The following CSRNP3 variants were observed in gnomAD, a reference collection of about 807,000 sequenced individuals.
CSRNP3 encodes the protein cysteine/serine-rich nuclear protein 3.
In CSRNP3, 12 loss-of-function variants were observed where a neutral mutation model predicts 48.0. That is an observed-to-expected ratio of 0.25 (90% CI 0.16 to 0.41). CSRNP3 has a LOEUF of 0.41. CSRNP3 is among the 10% of genes least tolerant of loss of function. The pLI is 1.00. For synonymous variants in CSRNP3, 263 were observed against 269.7 expected, an observed-to-expected ratio of 0.98 and a Z score of 0.24; for missense variants, 580 against 724.4, an observed-to-expected ratio of 0.80 and a Z score of 2.29.
intron 3 of CSRNP3, among the ~76,000 whole-genome samples, chr2:165,522,597 T>C (rs1684677276): frequency 6.6e-6 from 1 of 151,940 alleles, no homozygotes; most frequent in Non-Finnish European, 1.5e-5. Context: ...GGTGATTACA[T>C]TGAGACTGAG....
chr2:165,630,162 A>G (rs1315207215), intron 4 of CSRNP3, among the ~76,000 whole-genome samples: 1 of 152,190 alleles, frequency 6.6e-6, no homozygotes, highest in Non-Finnish European at 1.5e-5. Context: ...TTGAAGACGT[A>G]AAAAAGCTCC....
chr2:165,627,928 C>T (rs778030039), intron 4 of CSRNP3, among the ~76,000 whole-genome samples: 12 of 152,184 alleles, frequency 7.9e-5, no homozygotes, highest in Admixed American at 1.3e-4. Context: ...TCAGTAGACT[C>T]GTTTTCTCTC....
In CSRNP3 at chr2:165,652,453, C is replaced by G. The variant is rs187478980; in HGVS notation, c.149-5308C>G. Among the ~76,000 whole-genome samples the G allele has an allele frequency of 9.3e-5, 14 of 150,824 alleles. No homozygotes were observed. In the East Asian group the frequency reaches 2.8e-3, roughly 30 times the overall value. On this transcript the variant is annotated intron_variant, in intron 4 of 6. Transcript: ENST00000651982. ...GGCGGAGGTTGCAGTGAGTTGAGAT[C>G]GCACCACTGCACTCTAGCCTGGTAA...
chr2:165,485,263 G>T (rs377112115), intron 1 of CSRNP3, among the ~76,000 whole-genome samples: 3 of 152,038 alleles, frequency 2.0e-5, no homozygotes, highest in South Asian at 2.1e-4. Context: ...AGCTTCCAAG[G>T]CATAGAAGTA....
At chr2:165,495,371 A>T (rs553821882) in intron 2 of CSRNP3, among the ~76,000 whole-genome samples, 6 of 152,130 alleles carry the variant, frequency 3.9e-5, no homozygotes, top group Non-Finnish European at 5.9e-5. Flanking sequence ...CAAGGCCTTG[A>T]AAGCCTTGAG....
intron 1 of CSRNP3, among the ~76,000 whole-genome samples, chr2:165,480,623 C>G (rs898177722): frequency 6.6e-6 from 1 of 151,504 alleles, no homozygotes; most frequent in East Asian, 1.9e-4. Context: ...CCCAATGCAC[C>G]CTTAAAGAAA....
intron 5 of CSRNP3, among the ~76,000 whole-genome samples, chr2:165,660,994 C>A (rs184756429): frequency 6.6e-6 from 1 of 152,214 alleles, no homozygotes; most frequent in Admixed American, 6.5e-5. Flanking sequence ...CAATATGAAC[C>A]AGCTTTTTAA....
intron 3 of CSRNP3, among the ~76,000 whole-genome samples, chr2:165,572,854 T>C (rs1168294786): frequency 2.6e-5 from 4 of 152,206 alleles, no homozygotes; most frequent in African/African-American, 9.6e-5. Context: ...ATCCAATAAT[T>C]TTTAATCTCC....
chr2:165,605,637 G>A (rs966232189), intron 4 of CSRNP3, among the ~76,000 whole-genome samples: 6 of 152,104 alleles, frequency 3.9e-5, no homozygotes, highest in Non-Finnish European at 8.8e-5. Flanking sequence ...AGATGCATAT[G>A]ATTGCCACTG....
chr2:165,667,001 G>GGA lies in CSRNP3; in HGVS notation c.408+8981_408+8982insGA, dbSNP rs1343879710. Reference sequence around the variant, plus strand: ...AGAGAGAGGAAGAAAGAAAGAGAGAGAGAGGAAGGAAGGAAGGAAAGAGAG... The same window carrying GGA: ...AGAGAGAGGAAGAAAGAAAGAGAGAGGAAGAGGAAGGAAGGAAGGAAAGAGAG... On this transcript the variant is annotated intron_variant, in intron 5 of 6. Coordinates refer to ENST00000651982, the MANE Select transcript of CSRNP3 (RefSeq NM_001172173.2). Among the ~76,000 whole-genome samples the GGA allele has an allele frequency of 4.0e-3, 577 of 143,662 alleles. 59 individuals are homozygous for GGA. The highest frequency in any genetic ancestry group is 4.9e-3 in the South Asian group (21 of 4,290). The allele number at this position is 143,662 out of a possible 152,430, so 94.2% of individuals were successfully genotyped here.
intron 1 of CSRNP3, among the ~76,000 whole-genome samples, chr2:165,484,924 G>C (rs774028766): frequency 7.9e-5 from 12 of 151,924 alleles, no homozygotes; most frequent in Non-Finnish European, 1.5e-4. Context: ...ACTTGCTCTC[G>C]CTCTTTCTTT....
chr2:165,570,027 A>T (rs1685347551), intron 3 of CSRNP3, among the ~76,000 whole-genome samples: 1 of 152,012 alleles, frequency 6.6e-6, no homozygotes, highest in South Asian at 2.1e-4. Context: ...CCATTTTATT[A>T]ATATTAGTTG....
intron 3 of CSRNP3, among the ~76,000 whole-genome samples, chr2:165,580,980 G>T (rs77725209): frequency 0.01 from 1,573 of 151,978 alleles, 9 homozygotes; most frequent in Non-Finnish European, 0.016. Flanking sequence ...ACTTCACTTG[G>T]TACTTTTGTT....
At chr2:165,664,716 C>G (rs902945552) in intron 5 of CSRNP3, among the ~76,000 whole-genome samples, 1 of 152,040 alleles carries the variant, frequency 6.6e-6, no homozygotes, top group Non-Finnish European at 1.5e-5. Flanking sequence ...ACATGGTGCT[C>G]CAGGAATATG....
intron 2 of CSRNP3, among the ~76,000 whole-genome samples, chr2:165,504,671 T>C (rs573755977): frequency 2.0e-5 from 3 of 152,234 alleles, no homozygotes; most frequent in South Asian, 2.1e-4. Context: ...CTGGAAGTGC[T>C]AGAGATTGCA....
intron 4 of CSRNP3, among the ~76,000 whole-genome samples, chr2:165,626,885 A>G (rs1444706636): frequency 6.6e-6 from 1 of 152,232 alleles, no homozygotes; most frequent in Non-Finnish European, 1.5e-5. Context: ...CATTTTCTCA[A>G]GAACACAATG....
At chr2:165,599,315 A>AAGAAAGAAAGAC (rs1229298806) in intron 4 of CSRNP3, among the ~76,000 whole-genome samples, 2 of 150,984 alleles carry the variant, frequency 1.3e-5, no homozygotes, top group Non-Finnish European at 3.0e-5. Flanking sequence ...GAAAGAAAGA[A>AAGAAAGAAAGAC]AGAAAGAAAG....
At chr2:165,523,335 C>T (rs1215368940) in intron 3 of CSRNP3, among the ~76,000 whole-genome samples, 2 of 152,086 alleles carry the variant, frequency 1.3e-5, no homozygotes, top group Admixed American at 6.6e-5. Flanking sequence ...TCTTCACACT[C>T]CTATCCAAAA....
intron 5 of CSRNP3, among the ~76,000 whole-genome samples, chr2:165,671,634 G>A (rs1226992351): frequency 6.6e-6 from 1 of 152,154 alleles, no homozygotes; most frequent in Non-Finnish European, 1.5e-5. Flanking sequence ...TAATGGGAGG[G>A]GCTGCTGTGA....
Sources: allele counts gnomAD v4.1 joint callset (sites outside exome capture counted in the v4.1 genomes callset), GRCh38; gene constraint gnomAD v4.1.1; transcripts MANE v1.5; gene names NCBI Gene and HGNC (gene_info 2026-07-23, HGNC 2026-07-21).